Variants in BBOX1 observed in about 807,000 individuals in gnomAD.
The protein encoded by BBOX1 is gamma-butyrobetaine hydroxylase 1, also known as gamma-butyrobetaine dioxygenase.
A neutral mutation model predicts 41.6 loss-of-function variants in BBOX1; 35 were observed. That is an observed-to-expected ratio of 0.84 (90% CI 0.64 to 1.11). The LOEUF (loss-of-function observed/expected upper bound fraction) is 1.11. Ranked by LOEUF, BBOX1 falls within the 50% of genes most tolerant of loss-of-function variation. The pLI is 0.00. For synonymous variants in BBOX1, 163 were observed against 154.7 expected, an observed-to-expected ratio of 1.05 and a Z score of -0.40; for missense variants, 458 against 460.6, an observed-to-expected ratio of 0.99 and a Z score of 0.05.
chr11:27,058,083 T>C (rs1379673507), intron 4 of BBOX1, among the ~76,000 whole-genome samples: 2 of 152,170 alleles, frequency 1.3e-5, no homozygotes, highest in Non-Finnish European at 2.9e-5. Flanking sequence ...CTGCCTATTT[T>C]GAAGATTTAT....
intron 4 of BBOX1, among the ~76,000 whole-genome samples, chr11:27,091,034 T>G (rs1206804785): frequency 1.3e-5 from 2 of 151,962 alleles, no homozygotes; most frequent in Admixed American, 1.3e-4. Context: ...CCTGAGGTGA[T>G]GTATATCCTC....
intron 5 of BBOX1, among the ~76,000 whole-genome samples, chr11:27,113,791 A>ACCC (rs2134091143): frequency 6.7e-6 from 1 of 149,996 alleles, no homozygotes; most frequent in East Asian, 1.9e-4. Flanking sequence ...TTGCACATGT[A>ACCC]CCCCTGAACC....
intron 4 of BBOX1, among the ~76,000 whole-genome samples, chr11:27,070,623 C>T (rs1396204017): frequency 6.6e-6 from 1 of 151,628 alleles, no homozygotes; most frequent in Non-Finnish European, 1.5e-5. Flanking sequence ...AGTATCTTTT[C>T]CCACTTCTTT....
intron 2 of BBOX1, among the ~76,000 whole-genome samples, chr11:27,048,871 A>G (rs1224986904): frequency 1.4e-5 from 2 of 145,806 alleles, no homozygotes; most frequent in Non-Finnish European, 3.0e-5. Flanking sequence ...AGCATTAGGT[A>G]TATCTCCCAA....
At chr11:27,071,016 T>C (rs1374925867) in intron 4 of BBOX1, among the ~76,000 whole-genome samples, 2 of 152,134 alleles carry the variant, frequency 1.3e-5, no homozygotes, top group African/African-American at 4.8e-5. Context: ...ACTTTATTTC[T>C]CCTTCATTTA....
intron 4 of BBOX1, among the ~76,000 whole-genome samples, chr11:27,066,036 T>A (rs1177557808): frequency 6.6e-6 from 1 of 152,192 alleles, no homozygotes; most frequent in Non-Finnish European, 1.5e-5. Context: ...AGTTGCCACA[T>A]TGAGAATTAA....
chr11:27,110,332 A>C (rs1859013244), intron 5 of BBOX1, among the ~76,000 whole-genome samples: 1 of 151,990 alleles, frequency 6.6e-6, no homozygotes, highest in Non-Finnish European at 1.5e-5. Context: ...ACATAATGGA[A>C]AACTTCAGTG....
intron 2 of BBOX1, among the ~76,000 whole-genome samples, chr11:27,044,249 G>C (rs1851428677): frequency 6.6e-6 from 1 of 152,124 alleles, no homozygotes; most frequent in Non-Finnish European, 1.5e-5. Flanking sequence ...CTTCTTTTGA[G>C]AAGTGTCTGT....
At chr11:27,099,847 T>A (rs1858583478) in intron 5 of BBOX1, among the ~76,000 whole-genome samples, 1 of 152,114 alleles carries the variant, frequency 6.6e-6, no homozygotes, top group Non-Finnish European at 1.5e-5. Flanking sequence ...GCTTGAAAAA[T>A]GTAGAATGCT....
In BBOX1 at chr11:27,080,158, T is replaced by A. The variant is rs1359461454; in HGVS notation, c.335-13010T>A. Among the ~76,000 whole-genome samples the A allele has an allele frequency of 3.3e-5, 5 of 152,254 alleles. No individual in the cohort carries two copies. The East Asian group carries it at 9.6e-4, about 29-fold the overall frequency. On this transcript the variant is annotated intron_variant, in intron 4 of 8. Coordinates refer to ENST00000263182, the MANE Select transcript of BBOX1 (RefSeq NM_003986.3). ...GGCAGCATTATTATTGTAACCATTT[T>A]ATACACAAAAATTAGGCTGATAGAA... is the stretch of plus-strand genomic sequence containing the variant.
At chr11:27,094,278 T>A (rs1007197093) in intron 5 of BBOX1, among the ~76,000 whole-genome samples, 4 of 151,954 alleles carry the variant, frequency 2.6e-5, no homozygotes, top group Admixed American at 2.6e-4. Context: ...ACTGTATTTC[T>A]TTAGAGTGAG....
At chr11:27,063,636 G>C (rs1857196949) in intron 4 of BBOX1, among the ~76,000 whole-genome samples, 1 of 149,018 alleles carries the variant, frequency 6.7e-6, no homozygotes, top group Non-Finnish European at 1.5e-5. Context: ...GCAATCCAGG[G>C]ATGGAGTACA....
intron 4 of BBOX1, 92 bp downstream of exon 4, chr11:27,057,407 T>A: frequency 1.0e-6 from 1 of 993,868 alleles, no homozygotes; most frequent in Non-Finnish European, 1.5e-6. Flanking sequence ...CAAACCTTTG[T>A]GCTTTGATTA....
intron 4 of BBOX1, among the ~76,000 whole-genome samples, chr11:27,081,900 GTTGT>G (rs1240238713): frequency 2.8e-4 from 42 of 152,250 alleles, no homozygotes; most frequent in African/African-American, 9.4e-4. Flanking sequence ...TTTTGATGGG[GTTGT>G]TTGTTTTTTT....
intron 4 of BBOX1, among the ~76,000 whole-genome samples, chr11:27,074,723 C>A (rs1839786553): frequency 6.6e-6 from 1 of 152,156 alleles, no homozygotes; most frequent in South Asian, 2.1e-4. Flanking sequence ...AAGAGATTAG[C>A]TAAAACTGAT....
rs61210047 is a variant in BBOX1 at position 27,048,466 on chromosome 11, GGTGTGTGTGTGT to G, written c.-38-6912_-38-6901del. ...CTTTTTTAAGGTTGAATAATATTGA[GGTGTGTGTGTGT>G]GTGTGTGTGTGTGTAGACAGATGAT... On this transcript the variant is annotated intron_variant, in intron 2 of 8. Transcript: ENST00000263182. Among the ~76,000 whole-genome samples, 8 of 149,536 alleles carry G rather than the reference GGTGTGTGTGTGT, an allele frequency of 5.3e-5. No homozygotes were observed. In the South Asian group the frequency reaches 8.4e-4, roughly 16 times the overall value.
intron 2 of BBOX1, among the ~76,000 whole-genome samples, chr11:27,043,418 C>CATGCGCAGAATGTGCAG (rs1482284669): frequency 6.7e-6 from 1 of 150,150 alleles, no homozygotes; most frequent in Non-Finnish European, 1.5e-5. Flanking sequence ...AGAATGTGCA[C>CATGCGCAGAATGTGCAG]GTTTGGGGTA....
intron 4 of BBOX1, among the ~76,000 whole-genome samples, chr11:27,064,607 T>C (rs565324332): frequency 2.6e-5 from 4 of 152,238 alleles, no homozygotes; most frequent in Non-Finnish European, 4.4e-5. Flanking sequence ...AGAAAGACCA[T>C]GGTTTTACAG....
At chr11:27,097,545 G>A (rs1156471) in intron 5 of BBOX1, among the ~76,000 whole-genome samples, 152,111 of 152,172 alleles carry the variant, frequency 1, 76,025 homozygotes, top group Non-Finnish European at 1. Context: ...TTATGAAAAA[G>A]TACCTTTTGT....
Sources: allele counts gnomAD v4.1 joint callset (sites outside exome capture counted in the v4.1 genomes callset), GRCh38; gene constraint gnomAD v4.1.1; transcripts MANE v1.5; gene names NCBI Gene and HGNC (gene_info 2026-07-23, HGNC 2026-07-21).